Variants in DKK4 observed in about 807,000 individuals in gnomAD.
The protein encoded by DKK4 is dickkopf-related protein 4.
DKK4 carries 15 observed loss-of-function variants against 14.5 expected under a neutral mutation model. That is an observed-to-expected ratio of 1.03 (90% confidence interval 0.69 to 1.59). The LOEUF (loss-of-function observed/expected upper bound fraction) is 1.59, where lower values mean the gene tolerates loss of function less well. Among genes scored for constraint, DKK4 ranks in the 40% most tolerant of loss-of-function variants. DKK4 has a pLI of 0.00. For missense variants in DKK4, 272 were observed against 280.3 expected (o/e 0.97, Z 0.21); for synonymous variants, 89 against 105.2 (o/e 0.85, Z 0.94).
chr8:42,389,787 A>T, the DKK4 span, among the ~76,000 whole-genome samples: 4 of 152,132 alleles, frequency 2.6e-5, no homozygotes, highest in African/African-American at 9.7e-5. Flanking sequence ...TTTCTGGATC[A>T]TTTGAGGGTT....
rs756727063 is a variant in DKK4, at chr8:42,374,925, C to T, written c.263-12G>A. On this transcript the variant is annotated splice_polypyrimidine_tract_variant and intron_variant, in intron 2 of 3. Transcript: ENST00000220812. Reference sequence around the variant, plus strand: ...CGTAGTACAAACATCTGAGGGACAACCAGGTGTAACTAGAATTATTAACTT... The same window carrying T: ...CGTAGTACAAACATCTGAGGGACAATCAGGTGTAACTAGAATTATTAACTT... The T allele has an allele frequency of 6.2e-7, 1 of 1,613,904 alleles. No individual in the cohort carries two copies. The highest frequency in any genetic ancestry group is 1.1e-5 in the South Asian group (1 of 91,062).
At chr8:42,389,896 T>A in the DKK4 span, among the ~76,000 whole-genome samples, 1 of 137,626 alleles carries the variant, frequency 7.3e-6, no homozygotes, top group Non-Finnish European at 1.5e-5. Context: ...TCCTTAGAAT[T>A]TTTTTTTTTT....
chr8:42,386,131 T>G, the DKK4 span, among the ~76,000 whole-genome samples: 75 of 152,266 alleles, frequency 4.9e-4, 1 homozygote, highest in South Asian at 0.015. Flanking sequence ...CGGGCTGGAG[T>G]GCAGTGGCCA....
At chr8:42,389,809 C>A in the DKK4 span, among the ~76,000 whole-genome samples, 3 of 152,042 alleles carry the variant, frequency 2.0e-5, no homozygotes, top group East Asian at 5.8e-4. Context: ...GTTGCAGCTA[C>A]ATGATATTTC....
At chr8:42,374,613 C>A in intron 3 of DKK4, 148 bp downstream of exon 3, 1 of 1,256,818 alleles carries the variant, frequency 8.0e-7, no homozygotes, top group Admixed American at 2.1e-5. Context: ...ACCCCCACAG[C>A]TTCTTACAGA....
upstream of DKK4, among the ~76,000 whole-genome samples, chr8:42,381,375 G>T (rs1320141133): frequency 1.3e-5 from 2 of 152,188 alleles, no homozygotes; most frequent in African/African-American, 4.8e-5. Flanking sequence ...TATCTACTGT[G>T]GAGATATAAG....
the DKK4 span, among the ~76,000 whole-genome samples, chr8:42,383,816 G>A: frequency 2.6e-5 from 4 of 152,240 alleles, no homozygotes; most frequent in South Asian, 4.1e-4. Context: ...GGTGGTGCGC[G>A]CCTGTAATCC....
the DKK4 span, among the ~76,000 whole-genome samples, chr8:42,382,402 G>A: frequency 2.0e-5 from 3 of 152,186 alleles, no homozygotes; most frequent in African/African-American, 4.8e-5. Context: ...TAGAGATGAT[G>A]GGGCAGTGGG....
chr8:42,375,262 C>T lies in DKK4; in HGVS notation c.263-349G>A, dbSNP rs562953596. Among the ~76,000 whole-genome samples the T allele has an allele frequency of 3.5e-4, 54 of 152,200 alleles. 1 individual carries two copies. The highest frequency in any genetic ancestry group is 1.2e-3 in the African/African-American group (50 of 41,534). On this transcript the variant is annotated intron_variant, in intron 2 of 3. Transcript: ENST00000220812. ...TTTGTTTCATTAAGAAAAGGCAAGC[C>T]GGGTCCGGTGGCTTACGCTTGTAAT...
At chr8:42,381,381 A>G (rs1443209587), upstream of DKK4, among the ~76,000 whole-genome samples, 4 of 152,220 alleles carry the variant, frequency 2.6e-5, no homozygotes, top group Non-Finnish European at 5.9e-5. Flanking sequence ...CTGTGGAGAT[A>G]TAAGAGTAGC....
chr8:42,387,090 CTG>C, the DKK4 span, among the ~76,000 whole-genome samples: 1 of 152,228 alleles, frequency 6.6e-6, no homozygotes, highest in Non-Finnish European at 1.5e-5. Context: ...GCTCTGAGCA[CTG>C]TCATTGTGCC....
upstream of DKK4, among the ~76,000 whole-genome samples, chr8:42,380,216 C>T (rs1824647000): frequency 6.6e-6 from 1 of 152,012 alleles, no homozygotes; most frequent in Non-Finnish European, 1.5e-5. Flanking sequence ...GTCTGCAGTC[C>T]TAGCTATTCA....
chr8:42,388,906 T>A, the DKK4 span, among the ~76,000 whole-genome samples: 53 of 152,180 alleles, frequency 3.5e-4, no homozygotes, highest in Admixed American at 3.0e-3. Context: ...CTGATGAACA[T>A]TTTCTATAAG....
the DKK4 span, among the ~76,000 whole-genome samples, chr8:42,390,291 T>G: frequency 6.7e-6 from 1 of 150,088 alleles, no homozygotes; most frequent in African/African-American, 2.4e-5. Context: ...TGGTTTTGTT[T>G]GTTTGGTTTT....
At chr8:42,379,941 C>T (rs1414485791), upstream of DKK4, among the ~76,000 whole-genome samples, 2 of 152,196 alleles carry the variant, frequency 1.3e-5, no homozygotes, top group Non-Finnish European at 2.9e-5. Context: ...GGTGCAGTGG[C>T]TCATGCTTGT....
At chr8:42,385,765 C>A in the DKK4 span, among the ~76,000 whole-genome samples, 2 of 152,108 alleles carry the variant, frequency 1.3e-5, no homozygotes, top group South Asian at 2.1e-4. Flanking sequence ...AGGTTCTTCC[C>A]CAACTTATGC....
chr8:42,384,803 T>C, the DKK4 span, among the ~76,000 whole-genome samples: 1 of 152,194 alleles, frequency 6.6e-6, no homozygotes, highest in Non-Finnish European at 1.5e-5. Context: ...CATTCTTTCC[T>C]CTATGCCTGC....
At position 42,375,831 on chromosome 8, in the gene DKK4, C is replaced by G; in HGVS notation, c.112-1G>C. 6.2e-7 allele frequency: 1 copy of G among 1,613,782 alleles called. No homozygotes were observed. Among genetic ancestry groups the G allele is most frequent in the Non-Finnish European group, 8.5e-7 (1 of 1,179,862 alleles). On this transcript the variant is annotated splice_acceptor_variant, in intron 1 of 3. Transcript: ENST00000220812. LOFTEE classifies it high-confidence loss of function. Reference sequence around the variant, plus strand: ...CCGTGTCAGACAGGCACTGTGAGCCCTGTGGAGGGAATCTGTTATCACAAG... The same window carrying G: ...CCGTGTCAGACAGGCACTGTGAGCCGTGTGGAGGGAATCTGTTATCACAAG...
rs371145598 is a variant in DKK4 at position 42,377,085 on chromosome 8, C to T, written c.-40G>A. On this transcript the variant is annotated 5_prime_UTR_variant, in exon 1 of 4. Coordinates refer to ENST00000220812, the MANE Select transcript of DKK4 (RefSeq NM_014420.3). ...GCTCCTGGAGGGTCCCAGCACTGTG[C>T]GTCACCAAAGCGAGGCTGCTCTCCA... The T allele has an allele frequency of 2.4e-5, 38 of 1,561,674 alleles. No homozygotes were observed. Among genetic ancestry groups the T allele is most frequent in the East Asian group, 2.0e-4 (9 of 44,316 alleles).
Sources: allele counts gnomAD v4.1 joint callset (sites outside exome capture counted in the v4.1 genomes callset), GRCh38; gene constraint gnomAD v4.1.1; transcripts MANE v1.5; gene names NCBI Gene and HGNC (gene_info 2026-07-23, HGNC 2026-07-21).